The following CREB5 variants were observed in gnomAD, a reference collection of about 807,000 sequenced individuals.
The protein encoded by CREB5 is cyclic AMP-responsive element-binding protein 5.
Under a neutral mutation model 57.1 loss-of-function variants are expected in CREB5, and 19 were observed. The ratio of observed to expected loss-of-function variants is 0.33; its 90% CI spans 0.23 to 0.49. The LOEUF is 0.49. Ranked by LOEUF, CREB5 falls within the 20% of genes least tolerant of loss-of-function variation. The pLI, the probability that CREB5 is intolerant of heterozygous loss-of-function variation, is 0.99. For missense variants in CREB5, 579 were observed against 671.6 expected, an observed-to-expected ratio of 0.86 and a Z score of 1.52; for synonymous variants, 238 against 238.3, an observed-to-expected ratio of 1.00 and a Z score of 0.01.
At chr7:28,426,116 G>A (rs991948069) in intron 1 of CREB5, among the ~76,000 whole-genome samples, 2 of 152,180 alleles carry the variant, frequency 1.3e-5, no homozygotes, top group East Asian at 3.9e-4. Context: ...CCTATTAACT[G>A]AGAATTAAGG....
intron 5 of CREB5, among the ~76,000 whole-genome samples, chr7:28,651,170 A>G (rs1439360314): frequency 6.6e-6 from 1 of 152,192 alleles, no homozygotes; most frequent in East Asian, 1.9e-4. Context: ...TCTTTGAACA[A>G]ATATACTTTA....
At chr7:28,586,172 C>T (rs936107203) in intron 5 of CREB5, among the ~76,000 whole-genome samples, 1 of 152,062 alleles carries the variant, frequency 6.6e-6, no homozygotes, top group African/African-American at 2.4e-5. Context: ...CTCCAAAAGC[C>T]CATGCTCCTT....
chr7:28,498,468 G>A (rs899793449), intron 3 of CREB5, among the ~76,000 whole-genome samples: 1 of 152,144 alleles, frequency 6.6e-6, no homozygotes, highest in Non-Finnish European at 1.5e-5. Flanking sequence ...TGTAGTTGGG[G>A]AAGGTGTTAA....
At chr7:28,564,712 T>A (rs1279018579) in intron 4 of CREB5, among the ~76,000 whole-genome samples, 4 of 152,212 alleles carry the variant, frequency 2.6e-5, no homozygotes, top group Non-Finnish European at 5.9e-5. Context: ...TTGTTTAAAG[T>A]GGAGCTTTCA....
intron 7 of CREB5, among the ~76,000 whole-genome samples, chr7:28,787,234 G>C (rs566076841): frequency 2.6e-5 from 4 of 152,240 alleles, no homozygotes; most frequent in African/African-American, 9.6e-5. Flanking sequence ...GAAAAGAAGT[G>C]GCCCAGCCTC....
chr7:28,731,012 C>A (rs1216581697), intron 7 of CREB5, among the ~76,000 whole-genome samples: 1 of 152,214 alleles, frequency 6.6e-6, no homozygotes, highest in Non-Finnish European at 1.5e-5. Context: ...CTATTAAACT[C>A]TCTAGACCTC....
At chr7:28,554,935 T>C (rs1204381005) in intron 4 of CREB5, among the ~76,000 whole-genome samples, 2 of 152,212 alleles carry the variant, frequency 1.3e-5, no homozygotes, top group African/African-American at 4.8e-5. Flanking sequence ...TAGAGGGCAC[T>C]ATTGAATAGA....
chr7:28,315,423 G>T (rs966777572), intron 1 of CREB5, among the ~76,000 whole-genome samples: 2 of 152,172 alleles, frequency 1.3e-5, no homozygotes, highest in Admixed American at 6.5e-5. Context: ...CGCTTCTCTT[G>T]GTTGGACCTG....
intron 5 of CREB5, among the ~76,000 whole-genome samples, chr7:28,704,091 A>G (rs1801991196): frequency 6.6e-6 from 1 of 152,228 alleles, no homozygotes; most frequent in Non-Finnish European, 1.5e-5. Flanking sequence ...AATGAGTCTG[A>G]TGGCTCCAAC....
At chr7:28,515,839 T>C (rs1319423884) in intron 4 of CREB5, among the ~76,000 whole-genome samples, 1 of 149,808 alleles carries the variant, frequency 6.7e-6, no homozygotes, top group African/African-American at 2.5e-5. Context: ...AGTATTATTG[T>C]AATAATTATT....
Position 28,401,622 on chromosome 7 carries a change from C to T in CREB5, c.-24-93284C>T, listed in dbSNP as rs866718113. Reference sequence around the variant, plus strand: ...GTTCCCCATCCTGTGTCCAAGTGTTCTCATTGTTCAATTCCCACCTATGAG... The same window carrying T: ...GTTCCCCATCCTGTGTCCAAGTGTTTTCATTGTTCAATTCCCACCTATGAG... On this transcript the variant is annotated intron_variant, in intron 1 of 9. Transcript: ENST00000396299. Among the ~76,000 whole-genome samples the T allele has an allele frequency of 3.9e-4, 60 of 152,202 alleles. 2 individuals are homozygous for T. Among genetic ancestry groups the T allele is most frequent in the Middle Eastern group, 6.8e-3 (2 of 294 alleles).
intron 4 of CREB5, among the ~76,000 whole-genome samples, chr7:28,529,597 A>C (rs919995791): frequency 1.3e-5 from 2 of 152,192 alleles, no homozygotes; most frequent in African/African-American, 2.4e-5. Flanking sequence ...CACAGAATCC[A>C]AGGTGGGAAA....
At chr7:28,581,899 TA>T (rs749618032) in intron 5 of CREB5, among the ~76,000 whole-genome samples, 1 of 152,208 alleles carries the variant, frequency 6.6e-6, no homozygotes, top group South Asian at 2.1e-4. Flanking sequence ...CTCACAGATG[TA>T]GTGCCAGGGT....
chr7:28,729,437 T>C (rs1323080548), intron 7 of CREB5, among the ~76,000 whole-genome samples: 3 of 152,240 alleles, frequency 2.0e-5, no homozygotes, highest in Non-Finnish European at 4.4e-5. Context: ...CGTGGTTGCA[T>C]ATCCACTTCG....
At chr7:28,611,781 G>T (rs1779068177) in intron 5 of CREB5, among the ~76,000 whole-genome samples, 1 of 151,866 alleles carries the variant, frequency 6.6e-6, no homozygotes, top group African/African-American at 2.4e-5. Flanking sequence ...GAAAGGGAAT[G>T]AGGTGATGAA....
intron 1 of CREB5, among the ~76,000 whole-genome samples, chr7:28,309,445 C>G (rs1246331279): frequency 5.3e-5 from 8 of 152,186 alleles, no homozygotes; most frequent in Non-Finnish European, 1.0e-4. Context: ...GCACATGCTT[C>G]TGATTTGTGT....
intron 5 of CREB5, among the ~76,000 whole-genome samples, chr7:28,678,894 G>T (rs1307228711): frequency 6.6e-6 from 1 of 152,158 alleles, no homozygotes; most frequent in Non-Finnish European, 1.5e-5. Flanking sequence ...TCTCTGCTCA[G>T]TGTAAGAGAA....
chr7:28,432,657 G>C (rs919018602), intron 1 of CREB5, among the ~76,000 whole-genome samples: 1 of 152,138 alleles, frequency 6.6e-6, no homozygotes, highest in Non-Finnish European at 1.5e-5. Flanking sequence ...GTTCCTGTCC[G>C]AGTCAGAAAG....
chr7:28,445,688 A>C (rs1253718282), intron 1 of CREB5, among the ~76,000 whole-genome samples: 1 of 151,936 alleles, frequency 6.6e-6, no homozygotes. Flanking sequence ...AGTAGCTGGG[A>C]CTACAGGCGC....
Sources: gnomAD v4.1 joint callset for allele counts (sites outside exome capture counted in the v4.1 genomes callset) on GRCh38, gnomAD v4.1.1 for gene constraint, MANE v1.5 for transcripts, NCBI Gene and HGNC (gene_info 2026-07-23, HGNC 2026-07-21) for gene names.